Variants in PALLD observed in about 807,000 individuals in gnomAD.
PALLD encodes palladin.
A neutral mutation model predicts 123.5 loss-of-function variants in PALLD; 61 were observed. The ratio of observed to expected loss-of-function variants is 0.49; its 90% CI spans 0.40 to 0.61. PALLD has a LOEUF of 0.61. PALLD is among the 20% of genes least tolerant of loss of function. PALLD has a pLI of 0.00. For synonymous variants in PALLD, 465 were observed against 496.4 expected (o/e 0.94, Z 0.84); for missense variants, 1,273 against 1,377.0 (o/e 0.92, Z 1.20).
chr4:168,678,906 T>C (rs1781160579), intron 3 of PALLD, among the ~76,000 whole-genome samples: 1 of 140,076 alleles, frequency 7.1e-6, no homozygotes, highest in Non-Finnish European at 1.6e-5. Context: ...GGTGTGTATG[T>C]GTGGTGTGTG....
intron 10 of PALLD, among the ~76,000 whole-genome samples, chr4:168,724,055 G>C (rs373055557): frequency 1.3e-5 from 2 of 152,136 alleles, no homozygotes; most frequent in African/African-American, 4.8e-5. Flanking sequence ...ACCGTGCCCA[G>C]CTAATTTTTT....
At chr4:168,826,436 G>A (rs960489298) in intron 10 of PALLD, among the ~76,000 whole-genome samples, 27 of 152,070 alleles carry the variant, frequency 1.8e-4, no homozygotes, top group Non-Finnish European at 2.5e-4. Flanking sequence ...TTACATCTCC[G>A]CTCCTCCCCT....
At chr4:168,596,817 A>C (rs374090653) in intron 2 of PALLD, among the ~76,000 whole-genome samples, 19 of 152,088 alleles carry the variant, frequency 1.2e-4, no homozygotes, top group African/African-American at 4.6e-4. Context: ...TGGAGAAAGT[A>C]AGCCAAAATA....
chr4:168,727,179 G>T lies in PALLD; in HGVS notation c.1964+15256G>T, dbSNP rs555260572. Among the ~76,000 whole-genome samples the T allele has an allele frequency of 2.0e-5, 3 of 152,300 alleles. No homozygotes were observed. The South Asian group carries it at 6.2e-4, about 32-fold the overall frequency. ...CTTTGCTACTATGAATAGTGCTACA[G>T]TGAACATACTAGTGCATGTGTCTTC... On this transcript the variant is annotated intron_variant, in intron 10 of 21. Transcript: ENST00000505667.
chr4:168,834,582 C>T (rs1423429354), intron 10 of PALLD, among the ~76,000 whole-genome samples: 5 of 152,018 alleles, frequency 3.3e-5, no homozygotes, highest in Non-Finnish European at 7.4e-5. Context: ...ACTAAAAATA[C>T]AAAAATTAGC....
intron 2 of PALLD, among the ~76,000 whole-genome samples, chr4:168,640,385 A>G (rs1776821098): frequency 1.3e-5 from 2 of 152,168 alleles, no homozygotes; most frequent in South Asian, 2.1e-4. Flanking sequence ...TAGCACATTA[A>G]AAGTCCCTGG....
chr4:168,670,775 CA>C (rs112589264), intron 3 of PALLD, among the ~76,000 whole-genome samples: 40,194 of 99,874 alleles, frequency 0.4, 7,819 homozygotes, highest in African/African-American at 0.54. Flanking sequence ...CAAAAAAAAA[CA>C]AAAAAAAAAA....
chr4:168,781,777 C>G (rs952871690), intron 10 of PALLD, among the ~76,000 whole-genome samples: 1 of 152,054 alleles, frequency 6.6e-6, no homozygotes, highest in African/African-American at 2.4e-5. Context: ...CTCACAGAAG[C>G]CCGGAACAAG....
In PALLD at chr4:168,606,004, C is replaced by T. The variant is rs532950655; in HGVS notation, c.909-62186C>T. ...TAAAGGGCATCTATATTTTAAATTTCTACAATCATTGCTAAAGTACCTTCT... is the reference window on the plus strand; with the variant it reads ...TAAAGGGCATCTATATTTTAAATTTTTACAATCATTGCTAAAGTACCTTCT... On this transcript the variant is annotated intron_variant, in intron 2 of 21. Transcript: ENST00000505667. 1.3e-3 allele frequency among the ~76,000 whole-genome samples: 201 copies of T among 151,980 alleles called. No homozygotes were observed. The Middle Eastern group carries it at 0.014, about 10-fold the overall frequency.
intron 14 of PALLD, among the ~76,000 whole-genome samples, chr4:168,900,156 T>C (rs1329163327): frequency 6.6e-6 from 1 of 152,132 alleles, no homozygotes; most frequent in Non-Finnish European, 1.5e-5. Flanking sequence ...AGAACTCACT[T>C]ACCACCAAGG....
At chr4:168,797,951 A>G (rs73864646) in intron 10 of PALLD, among the ~76,000 whole-genome samples, 10,792 of 151,078 alleles carry the variant, frequency 0.071, 1,328 homozygotes, top group African/African-American at 0.25. Context: ...TAATCTGGCT[A>G]TTTTTCTTGA....
At chr4:168,799,022 C>G (rs780125556) in intron 10 of PALLD, among the ~76,000 whole-genome samples, 2 of 152,124 alleles carry the variant, frequency 1.3e-5, no homozygotes, top group Non-Finnish European at 2.9e-5. Context: ...CCGGGGGTGC[C>G]TTGTGGTCAG....
intron 10 of PALLD, among the ~76,000 whole-genome samples, chr4:168,735,944 C>T (rs891688029): frequency 1.3e-5 from 2 of 152,184 alleles, no homozygotes; most frequent in African/African-American, 2.4e-5. Context: ...TAGCTGGGCA[C>T]TTGACTAACA....
intron 10 of PALLD, among the ~76,000 whole-genome samples, chr4:168,823,976 G>A (rs2150809395): frequency 6.6e-6 from 1 of 152,320 alleles, no homozygotes; most frequent in East Asian, 1.9e-4. Context: ...TGACACCAAA[G>A]TTATGTCAAG....
intron 14 of PALLD, among the ~76,000 whole-genome samples, chr4:168,901,782 C>T (rs750178376): frequency 2.6e-5 from 4 of 152,086 alleles, no homozygotes; most frequent in Non-Finnish European, 2.9e-5. Flanking sequence ...CACTTGAACC[C>T]GGGAGGCAGA....
At chr4:168,777,105 C>T (rs935699483) in intron 10 of PALLD, among the ~76,000 whole-genome samples, 6 of 147,974 alleles carry the variant, frequency 4.1e-5, no homozygotes, top group African/African-American at 2.6e-5. Flanking sequence ...CACACATATA[C>T]ACACACACAC....
intron 2 of PALLD, among the ~76,000 whole-genome samples, chr4:168,632,929 A>G (rs1775978199): frequency 6.6e-6 from 1 of 152,188 alleles, no homozygotes; most frequent in Admixed American, 6.5e-5. Context: ...GCTACTGACA[A>G]GGAAAGGGGT....
intron 10 of PALLD, among the ~76,000 whole-genome samples, chr4:168,733,041 G>A (rs369921560): frequency 2.0e-5 from 3 of 152,146 alleles, no homozygotes; most frequent in African/African-American, 7.2e-5. Context: ...TAGGTTCTTG[G>A]TATCTTTTTT....
chr4:168,587,751 A>C (rs1008642792), intron 2 of PALLD, among the ~76,000 whole-genome samples: 1 of 152,160 alleles, frequency 6.6e-6, no homozygotes, highest in Admixed American at 6.5e-5. Flanking sequence ...TCCACCATAC[A>C]GAAATCCACA....
Sources: gnomAD v4.1 joint callset for allele counts (sites outside exome capture counted in the v4.1 genomes callset) on GRCh38, gnomAD v4.1.1 for gene constraint, MANE v1.5 for transcripts, NCBI Gene and HGNC (gene_info 2026-07-23, HGNC 2026-07-21) for gene names.